The following LRRC53 variants were observed in gnomAD, a reference collection of about 807,000 sequenced individuals.
The protein encoded by LRRC53 is leucine rich repeat containing 53.
A neutral mutation model predicts 13.6 loss-of-function variants in LRRC53; 25 were observed. That is an observed-to-expected ratio of 1.83 (90% CI 1.34 to 2.56). LRRC53 has a LOEUF of 2.56. Ranked by LOEUF, LRRC53 falls within the 30% of genes most tolerant of loss-of-function variation. The probability of loss-of-function intolerance (pLI) is 0.00; values close to 1 mark genes in which losing one functional copy is unlikely to be tolerated. For synonymous variants in LRRC53, 204 were observed against 109.8 expected (o/e 1.86, Z -5.37); for missense variants, 527 against 275.8 (o/e 1.91, Z -6.45).
chr1:74,469,580 T>C lies in LRRC53; in HGVS notation c.*298A>G, dbSNP rs547342007. 1.7e-4 allele frequency: 15 copies of C among 86,700 alleles called. No homozygotes were observed. Among genetic ancestry groups the C allele is most frequent in the Non-Finnish European group, 2.2e-4 (13 of 58,624 alleles). 5.4% of individuals were successfully genotyped at this position (86,700 alleles called of 1,614,324 possible). A position where few individuals can be genotyped will look rare whatever the true frequency, so the allele number is the denominator to read the frequency against. Reference sequence around the variant, plus strand: ...TGTAGTTTTTCATTTGTTTAAGGCTTTTTTTTTTTCAATGTTTGCTTGCTT... The same window carrying C: ...TGTAGTTTTTCATTTGTTTAAGGCTCTTTTTTTTTCAATGTTTGCTTGCTT... On this transcript the variant is annotated 3_prime_UTR_variant, in exon 5 of 5. Coordinates refer to ENST00000294635, the MANE Select transcript of LRRC53 (RefSeq NM_001382280.1).
chr1:74,498,166 G>C (rs1200981345), intron 1 of LRRC53, among the ~76,000 whole-genome samples: 1 of 152,156 alleles, frequency 6.6e-6, no homozygotes, highest in Non-Finnish European at 1.5e-5. Flanking sequence ...AGACAAACTA[G>C]AAGTTCCACT....
chr1:74,535,158 CAA>C, the LRRC53 span, among the ~76,000 whole-genome samples: 2 of 152,132 alleles, frequency 1.3e-5, no homozygotes, highest in Non-Finnish European at 2.9e-5. Flanking sequence ...GCTAGCTTCT[CAA>C]AGTCTGCATG....
chr1:74,469,717 A>G lies in LRRC53; in HGVS notation c.*161T>C, dbSNP rs1282517064. On this transcript the variant is annotated 3_prime_UTR_variant, in exon 5 of 5. Transcript: ENST00000294635. ...ACTCCATCTTTGATTTTTGTCATATATTCAACTCTGGTTTTATTTTATTGA... is the reference window on the plus strand; with the variant it reads ...ACTCCATCTTTGATTTTTGTCATATGTTCAACTCTGGTTTTATTTTATTGA... Among the ~76,000 whole-genome samples, 1 of 152,170 alleles carries G rather than the reference A, an allele frequency of 6.6e-6. No homozygotes were observed. Among genetic ancestry groups the G allele is most frequent in the Non-Finnish European group, 1.5e-5 (1 of 68,010 alleles).
In LRRC53 at chr1:74,487,024, G is replaced by A. The variant is rs141269437; in HGVS notation, c.-26-3649C>T. 5.5e-3 allele frequency among the ~76,000 whole-genome samples: 830 copies of A among 152,246 alleles called. 8 individuals are homozygous for A. Among genetic ancestry groups the A allele is most frequent in the African/African-American group, 0.019 (801 of 41,542 alleles). On this transcript the variant is annotated intron_variant, in intron 1 of 4. Coordinates refer to ENST00000294635, the MANE Select transcript of LRRC53 (RefSeq NM_001382280.1). ...GGATGGATTGCAAATGGGAGAAGGG[G>A]AATTAGAGACCGCAAATTTGGATAA...
chr1:74,497,152 G>A (rs557028062), intron 1 of LRRC53, among the ~76,000 whole-genome samples: 2 of 152,236 alleles, frequency 1.3e-5, no homozygotes, highest in South Asian at 4.1e-4. Flanking sequence ...TTTACTCAAA[G>A]TTTTTCTGGG....
intron 1 of LRRC53, among the ~76,000 whole-genome samples, chr1:74,494,907 A>G (rs1271479923): frequency 6.6e-6 from 1 of 152,120 alleles, no homozygotes; most frequent in Non-Finnish European, 1.5e-5. Flanking sequence ...CACAGAATTT[A>G]CAATACACGG....
At chr1:74,498,231 A>C (rs1236688670) in intron 1 of LRRC53, among the ~76,000 whole-genome samples, 1 of 152,188 alleles carries the variant, frequency 6.6e-6, no homozygotes, top group Non-Finnish European at 1.5e-5. Context: ...CTGTATCTTA[A>C]CAGTTTTTTT....
At position 74,480,259 on chromosome 1, in the gene LRRC53, C is replaced by T; in HGVS notation, c.798G>A (p.Glu266=). 1.4e-6 allele frequency: 1 copy of T among 717,536 alleles called. No individual in the cohort carries two copies. 44.4% of individuals were successfully genotyped at this position (717,536 alleles called of 1,614,324 possible). A position where few individuals can be genotyped will look rare whatever the true frequency, so the allele number is the denominator to read the frequency against. ...TGGGAGCTTTGGAATCACAGTTGGTCTCAGACAGCCTCAGCACACTCTGTG... is the reference window on the plus strand; with the variant it reads ...TGGGAGCTTTGGAATCACAGTTGGTTTCAGACAGCCTCAGCACACTCTGTG... ...AAAQSVLRLS[E]TNCDSKAPNF... is the part of the protein sequence containing the mutation. The change falls in exon 3 of 5, where the codon GAG becomes GAA. Residue 266 remains glutamate (E), a synonymous_variant. Coordinates refer to ENST00000294635, the MANE Select transcript of LRRC53 (RefSeq NM_001382280.1).
chr1:74,494,674 A>T (rs1190776690), intron 1 of LRRC53, among the ~76,000 whole-genome samples: 1 of 152,240 alleles, frequency 6.6e-6, no homozygotes, highest in Admixed American at 6.5e-5. Flanking sequence ...TAAGAGGATG[A>T]GCTGTGGAAT....
intron 4 of LRRC53, among the ~76,000 whole-genome samples, chr1:74,472,803 C>T (rs1392759336): frequency 6.6e-6 from 1 of 152,116 alleles, no homozygotes; most frequent in African/African-American, 2.4e-5. Context: ...TGGCAGCAGT[C>T]TTTACCTGGG....
At chr1:74,536,135 C>T in the LRRC53 span, among the ~76,000 whole-genome samples, 2 of 152,098 alleles carry the variant, frequency 1.3e-5, no homozygotes, top group Admixed American at 6.6e-5. Context: ...CTTACTCCTG[C>T]TTTGGGGAGT....
the LRRC53 span, among the ~76,000 whole-genome samples, chr1:74,535,795 T>A: frequency 4.6e-5 from 7 of 152,192 alleles, no homozygotes; most frequent in African/African-American, 1.7e-4. Context: ...GTGTCAGTTG[T>A]CGATATTCAG....
chr1:74,490,312 G>A (rs1669001184), intron 1 of LRRC53, among the ~76,000 whole-genome samples: 1 of 152,166 alleles, frequency 6.6e-6, no homozygotes, highest in Non-Finnish European at 1.5e-5. Context: ...AGCCCCTGTG[G>A]ACAAAAGCAT....
In LRRC53 at chr1:74,475,422, A is replaced by C; in HGVS notation, c.1293T>G (p.Asn431Lys). The C allele has an allele frequency of 1.4e-6, 1 of 717,032 alleles. No individual in the cohort carries two copies. 44.4% of individuals were successfully genotyped at this position (717,032 alleles called of 1,614,324 possible). Residue 431 changes from asparagine (N) to lysine (K), a missense_variant, in exon 4 of 5, where the codon AAT becomes AAG. Asn to Lys is a moderately conservative substitution (Grantham distance 94, BLOSUM62 0). Coordinates refer to ENST00000294635, the MANE Select transcript of LRRC53 (RefSeq NM_001382280.1). ...LHSECSEPPG[N>K]MRAFNEAGLL... ...AGCCTGCTTCATTAAAAGCTCTCAT[A>C]TTTCCAGGAGGCTCTGAACATTCCG...
At chr1:74,486,660 C>T (rs898589259) in intron 1 of LRRC53, among the ~76,000 whole-genome samples, 7 of 151,464 alleles carry the variant, frequency 4.6e-5, no homozygotes, top group Non-Finnish European at 7.4e-5. Context: ...TTTTTAAAGA[C>T]ATAAGACTGA....
the LRRC53 span, among the ~76,000 whole-genome samples, chr1:74,534,014 C>A: frequency 6.6e-6 from 1 of 152,182 alleles, no homozygotes; most frequent in African/African-American, 2.4e-5. Flanking sequence ...CCTGACTTTG[C>A]ATCCCCAAAA....
At chr1:74,511,110 A>G (rs1471486585) in intron 1 of LRRC53, among the ~76,000 whole-genome samples, 2 of 151,504 alleles carry the variant, frequency 1.3e-5, no homozygotes, top group African/African-American at 4.9e-5. Flanking sequence ...CTGGTCTGGA[A>G]CTCCTGGTGA....
the LRRC53 span, among the ~76,000 whole-genome samples, chr1:74,531,223 T>C: frequency 6.6e-6 from 1 of 152,196 alleles, no homozygotes; most frequent in Admixed American, 6.5e-5. Flanking sequence ...CCATTCTCTG[T>C]AATGGGAGCA....
chr1:74,491,335 T>C (rs1039514329), intron 1 of LRRC53, among the ~76,000 whole-genome samples: 1 of 152,212 alleles, frequency 6.6e-6, no homozygotes, highest in Non-Finnish European at 1.5e-5. Context: ...TTCTCCTGCC[T>C]CAGCCTCCCC....
Sources: gnomAD v4.1 joint callset for allele counts (sites outside exome capture counted in the v4.1 genomes callset) on GRCh38, gnomAD v4.1.1 for gene constraint, MANE v1.5 for transcripts, NCBI Gene and HGNC (gene_info 2026-07-23, HGNC 2026-07-21) for gene names.